ART3: variants seen among roughly 807,000 people sequenced by gnomAD.
ART3 encodes ecto-ADP-ribosyltransferase 3.
A neutral mutation model predicts 48.5 loss-of-function variants in ART3; 49 were observed. That is an observed-to-expected ratio of 1.01 (90% CI 0.80 to 1.28). ART3 has a LOEUF of 1.28. ART3 is among the 50% of genes most tolerant of loss of function. The probability of loss-of-function intolerance (pLI) is 0.00; values close to 1 mark genes in which losing one functional copy is unlikely to be tolerated. For missense variants in ART3, 438 were observed against 454.3 expected, an observed-to-expected ratio of 0.96 and a Z score of 0.33; for synonymous variants, 145 against 157.2, an observed-to-expected ratio of 0.92 and a Z score of 0.58.
chr4:76,071,367 CAA>C (rs58525379), upstream of ART3, among the ~76,000 whole-genome samples: 18 of 130,776 alleles, frequency 1.4e-4, no homozygotes, highest in African/African-American at 2.6e-4. Flanking sequence ...GACTCCATCT[CAA>C]AAAAAAAAAA....
intron 3 of ART3, among the ~76,000 whole-genome samples, chr4:76,093,785 C>T (rs573424616): frequency 1.3e-5 from 2 of 152,150 alleles, no homozygotes; most frequent in Admixed American, 1.3e-4. Context: ...TATTTTTCAT[C>T]TCAGAATTTT....
chr4:76,035,474 A>C, intron 1 of ART3: 1 of 837,188 alleles, frequency 1.2e-6, no homozygotes, highest in Non-Finnish European at 1.8e-6. Flanking sequence ...AGCACTTAAC[A>C]CAACTGTTAC....
At chr4:76,051,121 T>A (rs1390042840) in intron 1 of ART3, among the ~76,000 whole-genome samples, 3 of 152,262 alleles carry the variant, frequency 2.0e-5, no homozygotes, top group African/African-American at 4.8e-5. Context: ...AGCAGTGGGC[T>A]GAAGGGCTCC....
intron 1 of ART3, among the ~76,000 whole-genome samples, chr4:76,064,600 A>G (rs1167987477): frequency 6.6e-6 from 1 of 152,234 alleles, no homozygotes; most frequent in East Asian, 1.9e-4. Flanking sequence ...TGGCTACAGA[A>G]CAAAAAGCAA....
upstream of ART3, among the ~76,000 whole-genome samples, chr4:76,070,414 T>C (rs1334389783): frequency 1.3e-5 from 2 of 152,220 alleles, no homozygotes; most frequent in African/African-American, 4.8e-5. Context: ...AATTTGCATT[T>C]ACCTGATGCT....
At chr4:76,085,586 G>T (rs1723369738) in intron 3 of ART3, among the ~76,000 whole-genome samples, 1 of 152,132 alleles carries the variant, frequency 6.6e-6, no homozygotes, top group African/African-American at 2.4e-5. Flanking sequence ...GATGAAAGCT[G>T]AAATGAGTAA....
Position 76,107,757 on chromosome 4 carries a change from T to A in ART3, c.1004-4T>A. 3.5e-6 allele frequency: 5 copies of A among 1,432,520 alleles called. No individual in the cohort carries two copies. Among genetic ancestry groups the A allele is most frequent in the Non-Finnish European group, 4.8e-6 (5 of 1,048,230 alleles). The allele number at this position is 1,432,520 out of a possible 1,614,324, so 88.7% of individuals were successfully genotyped here. A position where few individuals can be genotyped will look rare whatever the true frequency, so the allele number is the denominator to read the frequency against. ...AACTAACTCAAAATCTCTTTATATT[T>A]TAGAAGATAAAAGTCAAGGAAATAT... On this transcript the variant is annotated splice_region_variant and splice_polypyrimidine_tract_variant and intron_variant, in intron 10 of 11. Transcript: ENST00000355810.
At chr4:76,101,963 C>T (rs1425107727) in intron 8 of ART3, among the ~76,000 whole-genome samples, 1 of 152,058 alleles carries the variant, frequency 6.6e-6, no homozygotes, top group Non-Finnish European at 1.5e-5. Context: ...GATTTGTGTA[C>T]AAAAATGCCT....
rs1722598254 is a variant in ART3 at position 76,082,031 on chromosome 4, A to G, written c.277A>G (p.Asn93Asp). 1.2e-6 allele frequency: 2 copies of G among 1,614,112 alleles called. No individual in the cohort carries two copies. Among genetic ancestry groups the G allele is most frequent in the African/African-American group, 2.7e-5 (2 of 74,942 alleles). Reference protein sequence around the residue: ...QIFLPMNFKDNHGIALMAYIS... With the variant: ...QIFLPMNFKDDHGIALMAYIS... ...CTTTCTCCCTATGAATTTTAAGGAT[A>G]ACCATGGAATAGCCCTGATGGCATA... The change falls in exon 3 of 12, where the codon AAC (asparagine) becomes GAC (aspartate). Residue 93 changes from asparagine (N) to aspartate (D), a missense_variant. By Grantham distance (23) the Asn-to-Asp change is conservative. Transcript: ENST00000355810.
chr4:76,059,013 G>A (rs991677923), intron 1 of ART3, among the ~76,000 whole-genome samples: 2 of 152,208 alleles, frequency 1.3e-5, no homozygotes, highest in African/African-American at 4.8e-5. Flanking sequence ...AGCATAGGTT[G>A]AACAGCTGGC....
intron 1 of ART3, among the ~76,000 whole-genome samples, chr4:76,067,739 C>A (rs1317818242): frequency 6.6e-6 from 1 of 152,214 alleles, no homozygotes; most frequent in Admixed American, 6.5e-5. Context: ...AAAATTTAGT[C>A]ACTTCAAAGT....
chr4:76,097,877 A>T (rs1411350012), intron 4 of ART3, among the ~76,000 whole-genome samples: 1 of 152,000 alleles, frequency 6.6e-6, no homozygotes, highest in African/African-American at 2.4e-5. Flanking sequence ...TGCCACCCTC[A>T]TCCCCACCCC....
intron 8 of ART3, among the ~76,000 whole-genome samples, chr4:76,101,972 C>T (rs984664297): frequency 6.6e-6 from 1 of 152,134 alleles, no homozygotes; most frequent in Non-Finnish European, 1.5e-5. Flanking sequence ...ACAAAAATGC[C>T]TATCACAGTG....
intron 2 of ART3, among the ~76,000 whole-genome samples, chr4:76,076,198 T>G (rs919366916): frequency 2.6e-4 from 39 of 151,732 alleles, no homozygotes; most frequent in Middle Eastern, 6.8e-3. Flanking sequence ...TAGAGACGGG[T>G]TTTCACCATG....
At chr4:76,100,679 C>A in intron 6 of ART3, 116 bp from the exon 7 acceptor site, 1 of 1,210,354 alleles carries the variant, frequency 8.3e-7, no homozygotes, top group Non-Finnish European at 1.2e-6. Context: ...CAAGATACCT[C>A]CCTTTACAGG....
chr4:76,051,898 CTTT>C (rs1184736763), intron 1 of ART3, among the ~76,000 whole-genome samples: 2 of 81,808 alleles, frequency 2.4e-5, no homozygotes, highest in Non-Finnish European at 2.1e-5. Context: ...CTCTCTCTCT[CTTT>C]TTTTTTTTTT....
intron 1 of ART3, among the ~76,000 whole-genome samples, chr4:76,017,454 A>C (rs1339757767): frequency 6.6e-6 from 1 of 151,792 alleles, no homozygotes; most frequent in Non-Finnish European, 1.5e-5. Flanking sequence ...TCCAAGTTTC[A>C]AGACAAAGTC....
intron 7 of ART3, 81 bp downstream of exon 7, chr4:76,100,905 C>G: frequency 1.9e-6 from 3 of 1,590,088 alleles, no homozygotes; most frequent in African/African-American, 2.7e-5. Flanking sequence ...TTCATATTTA[C>G]TGAAAATAAT....
intron 1 of ART3, among the ~76,000 whole-genome samples, chr4:76,050,114 T>A (rs1014833701): frequency 1.3e-5 from 2 of 151,938 alleles, no homozygotes; most frequent in Non-Finnish European, 2.9e-5. Flanking sequence ...ATAAAAGCAG[T>A]GTGGACCCAA....
Sources: gnomAD v4.1 joint callset for allele counts (sites outside exome capture counted in the v4.1 genomes callset) on GRCh38, gnomAD v4.1.1 for gene constraint, MANE v1.5 for transcripts, NCBI Gene and HGNC (gene_info 2026-07-23, HGNC 2026-07-21) for gene names.